MTUS2: variants seen among roughly 807,000 people sequenced by gnomAD.
The protein encoded by MTUS2 is microtubule associated scaffold protein 2.
A neutral mutation model predicts 114.1 loss-of-function variants in MTUS2; 40 were observed. The ratio of observed to expected loss-of-function variants is 0.35; its 90% CI spans 0.27 to 0.46. The LOEUF (loss-of-function observed/expected upper bound fraction) is 0.46, where lower values mean the gene tolerates loss of function less well. Ranked by LOEUF, MTUS2 falls within the 20% of genes least tolerant of loss-of-function variation. The pLI is 1.00. For missense variants in MTUS2, 1,679 were observed against 1,705.4 expected (o/e 0.98, Z 0.27); for synonymous variants, 688 against 672.0 (o/e 1.02, Z -0.37).
intron 2 of MTUS2, among the ~76,000 whole-genome samples, chr13:28,993,367 A>AG (rs1264665712): frequency 1.3e-5 from 2 of 152,148 alleles, no homozygotes; most frequent in Non-Finnish European, 2.9e-5. Context: ...ACAATGCACA[A>AG]GTGTTTCAGT....
intron 2 of MTUS2, among the ~76,000 whole-genome samples, chr13:28,920,193 G>C (rs1255895735): frequency 1.3e-5 from 2 of 152,182 alleles, no homozygotes; most frequent in African/African-American, 4.8e-5. Context: ...GCATTGAAGA[G>C]TTAGGCATTT....
At chr13:29,447,177 C>T (rs1454337463) in intron 9 of MTUS2, among the ~76,000 whole-genome samples, 2 of 152,030 alleles carry the variant, frequency 1.3e-5, no homozygotes, top group Non-Finnish European at 2.9e-5. Flanking sequence ...ATAAGGTATA[C>T]TCAACATGTG....
At chr13:28,892,258 CAT>C (rs1247029625) in intron 2 of MTUS2, among the ~76,000 whole-genome samples, 2 of 152,104 alleles carry the variant, frequency 1.3e-5, no homozygotes, top group South Asian at 2.1e-4. Context: ...TGAATGATCA[CAT>C]GTGTGCGGGT....
At chr13:29,226,071 G>T (rs1160278059) in intron 5 of MTUS2, among the ~76,000 whole-genome samples, 1 of 152,130 alleles carries the variant, frequency 6.6e-6, no homozygotes, top group African/African-American at 2.4e-5. Flanking sequence ...GTTCTGCTGA[G>T]TTAATATTAG....
intron 5 of MTUS2, among the ~76,000 whole-genome samples, chr13:29,115,772 C>T (rs577531470): frequency 3.3e-5 from 5 of 152,250 alleles, no homozygotes; most frequent in East Asian, 1.9e-4. Flanking sequence ...GCTGGGTGGC[C>T]GTAGGCAAGC....
intron 5 of MTUS2, among the ~76,000 whole-genome samples, chr13:29,180,581 A>G (rs765411873): frequency 2.6e-5 from 4 of 152,226 alleles, no homozygotes; most frequent in Non-Finnish European, 5.9e-5. Context: ...AGATAAATCT[A>G]TAGCATGTGA....
chr13:28,912,218 T>G (rs1314224785), intron 2 of MTUS2, among the ~76,000 whole-genome samples: 2 of 152,180 alleles, frequency 1.3e-5, no homozygotes, highest in African/African-American at 2.4e-5. Flanking sequence ...AATTTCAAAT[T>G]TTTTGCATAT....
chr13:29,000,581 G>A (rs941897440), intron 2 of MTUS2, among the ~76,000 whole-genome samples: 1 of 152,094 alleles, frequency 6.6e-6, no homozygotes, highest in Non-Finnish European at 1.5e-5. Flanking sequence ...GTCCAGGCTG[G>A]TCTCAAACTC....
intron 5 of MTUS2, among the ~76,000 whole-genome samples, chr13:29,256,532 C>T (rs932729497): frequency 6.6e-6 from 1 of 152,262 alleles, no homozygotes; most frequent in Non-Finnish European, 1.5e-5. Context: ...CCTATCGTCA[C>T]ACTTTCATGT....
At chr13:29,104,783 A>G (rs7981238) in intron 5 of MTUS2, among the ~76,000 whole-genome samples, 102,254 of 152,134 alleles carry the variant, frequency 0.67, 35,072 homozygotes, top group Non-Finnish European at 0.74. Flanking sequence ...TTACATTGAA[A>G]GAGGGAACGT....
chr13:28,876,901 A>G (rs1460116765), intron 2 of MTUS2, among the ~76,000 whole-genome samples: 1 of 152,116 alleles, frequency 6.6e-6, no homozygotes, highest in Non-Finnish European at 1.5e-5. Context: ...TTAATTTTTT[A>G]TCTTCTGATT....
At position 29,175,927 on chromosome 13, in the gene MTUS2, C is replaced by G. The variant is rs181558872; in HGVS notation, c.2644+74957C>G. ...AGAGACAGGCTGGCCTTGGAGTGAG[C>G]TCAACAGCCATATGTATTTATATGT... On this transcript the variant is annotated intron_variant, in intron 5 of 15. Transcript: ENST00000612955. Among the ~76,000 whole-genome samples the G allele has an allele frequency of 1.1e-3, 166 of 152,158 alleles. 1 individual carries two copies. Among genetic ancestry groups the G allele is most frequent in the African/African-American group, 3.9e-3 (163 of 41,520 alleles).
At chr13:28,910,360 T>C (rs1482310103) in intron 2 of MTUS2, among the ~76,000 whole-genome samples, 3 of 152,204 alleles carry the variant, frequency 2.0e-5, no homozygotes, top group African/African-American at 7.2e-5. Flanking sequence ...TTTGTTCTTA[T>C]TCTTTTTTTG....
At chr13:28,921,379 T>TG (rs920244029) in intron 2 of MTUS2, among the ~76,000 whole-genome samples, 1 of 152,180 alleles carries the variant, frequency 6.6e-6, no homozygotes, top group African/African-American at 2.4e-5. Context: ...TATCCTACTG[T>TG]GGCTGAGCTG....
intron 2 of MTUS2, among the ~76,000 whole-genome samples, chr13:29,021,241 TC>T (rs1162813348): frequency 6.6e-6 from 1 of 152,210 alleles, no homozygotes; most frequent in Non-Finnish European, 1.5e-5. Context: ...CACTCCAGCC[TC>T]GGCAACAGAA....
chr13:29,475,182 A>G (rs2138864233), intron 9 of MTUS2, among the ~76,000 whole-genome samples: 1 of 152,350 alleles, frequency 6.6e-6, no homozygotes, highest in South Asian at 2.1e-4. Flanking sequence ...ATTATAATGC[A>G]GCTGAAAAAT....
chr13:29,376,019 ATG>A (rs368758751), intron 8 of MTUS2, among the ~76,000 whole-genome samples: 4,108 of 99,636 alleles, frequency 0.041, 176 homozygotes, highest in African/African-American at 0.11. Flanking sequence ...GTGTGTATGT[ATG>A]TGTGTGTATA....
intron 1 of MTUS2, among the ~76,000 whole-genome samples, chr13:28,832,343 T>C (rs921180630): frequency 7.9e-5 from 12 of 152,206 alleles, no homozygotes; most frequent in African/African-American, 2.9e-4. Flanking sequence ...TGGAATGATA[T>C]TAGAAATCAA....
chr13:28,842,579 T>G (rs1593238739), intron 2 of MTUS2, among the ~76,000 whole-genome samples: 1 of 152,328 alleles, frequency 6.6e-6, no homozygotes, highest in East Asian at 1.9e-4. Flanking sequence ...GTCCTGAAAC[T>G]TCATGATTTT....
Sources: gnomAD v4.1 joint callset for allele counts (sites outside exome capture counted in the v4.1 genomes callset) on GRCh38, gnomAD v4.1.1 for gene constraint, MANE v1.5 for transcripts, NCBI Gene and HGNC (gene_info 2026-07-23, HGNC 2026-07-21) for gene names.